PIGN: variants seen among roughly 807,000 people sequenced by gnomAD.
PIGN encodes phosphatidylinositol glycan anchor biosynthesis class N.
A neutral mutation model predicts 125.4 loss-of-function variants in PIGN; 117 were observed. The observed-to-expected ratio is 0.93, with a 90% CI of 0.80 to 1.09. The LOEUF is 1.09. Ranked by LOEUF, PIGN falls within the 50% of genes least tolerant of loss-of-function variation. The pLI, the probability that PIGN is intolerant of heterozygous loss-of-function variation, is 0.00. For synonymous variants in PIGN, 392 were observed against 377.8 expected, an observed-to-expected ratio of 1.04 and a Z score of -0.44; for missense variants, 1,075 against 1,094.9, an observed-to-expected ratio of 0.98 and a Z score of 0.26.
chr18:62,179,107 T>C (rs1356058141), intron 1 of PIGN, among the ~76,000 whole-genome samples: 1 of 152,168 alleles, frequency 6.6e-6, no homozygotes, highest in Non-Finnish European at 1.5e-5. Flanking sequence ...AAGTCTGGGG[T>C]TATGGGTTCA....
At chr18:62,030,835 C>T (rs1333623248) in intron 23 of PIGN, among the ~76,000 whole-genome samples, 1 of 152,098 alleles carries the variant, frequency 6.6e-6, no homozygotes, top group Non-Finnish European at 1.5e-5. Flanking sequence ...TGACTCTTGC[C>T]GGGTACAGTG....
At chr18:62,028,773 A>C (rs1345667890) in intron 23 of PIGN, among the ~76,000 whole-genome samples, 1 of 152,264 alleles carries the variant, frequency 6.6e-6, no homozygotes, top group African/African-American at 2.4e-5. Flanking sequence ...TATGGAGCTA[A>C]CAAGGATAAG....
intron 30 of PIGN, among the ~76,000 whole-genome samples, chr18:62,059,512 C>CA (rs984913516): frequency 6.0e-5 from 9 of 150,992 alleles, no homozygotes; most frequent in Non-Finnish European, 1.0e-4. Context: ...AGATGAATGC[C>CA]AAAAAAAAGT....
chr18:62,079,007 C>T (rs1470812222), intron 28 of PIGN, among the ~76,000 whole-genome samples: 1 of 152,148 alleles, frequency 6.6e-6, no homozygotes, highest in Non-Finnish European at 1.5e-5. Flanking sequence ...TCTGTGGCCC[C>T]TTCTTTTCTG....
At chr18:62,114,377 T>A (rs1381814229) in intron 15 of PIGN, among the ~76,000 whole-genome samples, 184 bp downstream of exon 15, 2 of 144,846 alleles carry the variant, frequency 1.4e-5, no homozygotes, top group African/African-American at 4.9e-5. Flanking sequence ...AAAAAAAAAA[T>A]TTACCCATAA....
chr18:62,157,906 G>A, intron 4 of PIGN, 98 bp from the exon 5 acceptor site: 1 of 1,185,266 alleles, frequency 8.4e-7, no homozygotes, highest in Non-Finnish European at 1.2e-6. Context: ...GGAATCAAAA[G>A]CAAAAAACTT....
chr18:62,116,388 C>G (rs1363098599), intron 14 of PIGN, among the ~76,000 whole-genome samples: 1 of 152,190 alleles, frequency 6.6e-6, no homozygotes, highest in Non-Finnish European at 1.5e-5. Context: ...ATCTCACTGT[C>G]TACTTCATCA....
intron 28 of PIGN, among the ~76,000 whole-genome samples, chr18:62,078,245 G>A (rs1347012828): frequency 6.6e-6 from 1 of 152,190 alleles, no homozygotes. Context: ...CTGGAGAGTG[G>A]AGCAGTTGGG....
intron 23 of PIGN, among the ~76,000 whole-genome samples, chr18:62,026,938 C>T (rs1179560294): frequency 2.0e-5 from 3 of 152,180 alleles, no homozygotes; most frequent in Non-Finnish European, 2.9e-5. Flanking sequence ...CGCGGTGGCT[C>T]ACGCCTGTAA....
At chr18:62,066,294 C>G (rs1290759474) in intron 30 of PIGN, among the ~76,000 whole-genome samples, 1 of 152,174 alleles carries the variant, frequency 6.6e-6, no homozygotes, top group African/African-American at 2.4e-5. Flanking sequence ...CCTTTAAGAT[C>G]AGCTCAACCA....
At chr18:62,170,049 A>G (rs2037296840) in intron 1 of PIGN, among the ~76,000 whole-genome samples, 4 of 152,240 alleles carry the variant, frequency 2.6e-5, no homozygotes, top group Admixed American at 2.0e-4. Context: ...GGCATTGTCA[A>G]TCTTTCAAAC....
At chr18:62,029,450 G>A (rs2030164906) in intron 23 of PIGN, among the ~76,000 whole-genome samples, 1 of 152,170 alleles carries the variant, frequency 6.6e-6, no homozygotes, top group Non-Finnish European at 1.5e-5. Context: ...GGGGATGGAA[G>A]GATGGTTGGG....
At chr18:62,155,521 A>G (rs993674651) in intron 6 of PIGN, among the ~76,000 whole-genome samples, 3 of 152,150 alleles carry the variant, frequency 2.0e-5, no homozygotes, top group Admixed American at 6.5e-5. Flanking sequence ...GTGAGCTGAG[A>G]TCGTGCCACT....
intron 30 of PIGN, among the ~76,000 whole-genome samples, chr18:62,050,890 A>G (rs2031222383): frequency 6.6e-6 from 1 of 150,782 alleles, no homozygotes; most frequent in African/African-American, 2.4e-5. Flanking sequence ...TACCTAATTT[A>G]TTAAGAGTTT....
At position 62,114,579 on chromosome 18, in the gene PIGN, G is replaced by A. The variant is rs1274732027; in HGVS notation, c.1233C>T (p.His411=). 2.0e-6 allele frequency: 3 copies of A among 1,516,242 alleles called. No individual in the cohort carries two copies. The highest frequency in any genetic ancestry group is 1.4e-5 in the African/African-American group (1 of 72,420). 93.9% of individuals were successfully genotyped at this position (1,516,242 alleles called of 1,614,324 possible). A position where few individuals can be genotyped will look rare whatever the true frequency, so the allele number is the denominator to read the frequency against. ...TACTTACCACTTCATCAAACTTTCTGTGTTTTATATAAGATCTTGCTTTTC... is the reference window on the plus strand; with the variant it reads ...TACTTACCACTTCATCAAACTTTCTATGTTTTATATAAGATCTTGCTTTTC... ...ILRKARSYIK[H]RKFDEVVSLC... is the part of the protein sequence containing the mutation. Residue 411 remains histidine, a synonymous_variant, in exon 15 of 31, where the codon CAC becomes CAT. Coordinates refer to ENST00000640252, the MANE Select transcript of PIGN (RefSeq NM_176787.5).
intron 30 of PIGN, chr18:62,051,888 T>G (rs2031328870): frequency 6.6e-6 from 1 of 152,066 alleles, no homozygotes; most frequent in African/African-American, 2.4e-5. Context: ...TCCCAGAGAT[T>G]CTGGTATGTT....
chr18:62,083,966 C>A (rs749079474), intron 27 of PIGN, among the ~76,000 whole-genome samples: 1 of 152,028 alleles, frequency 6.6e-6, no homozygotes, highest in Non-Finnish European at 1.5e-5. Flanking sequence ...ATGTGTCAGG[C>A]ATTATGGTAA....
At chr18:62,084,230 C>T (rs952638139) in intron 27 of PIGN, among the ~76,000 whole-genome samples, 2 of 152,110 alleles carry the variant, frequency 1.3e-5, no homozygotes, top group African/African-American at 4.8e-5. Context: ...TTCAGGGAAC[C>T]TTATACTCTT....
Position 62,113,194 on chromosome 18 carries a change from G to A in PIGN, c.1374C>T (p.Ala458=), listed in dbSNP as rs905642288. ...AATGAGACTTGATGATCAACAAAGA[G>A]GCATAAGATATCCATCCCACAAAAC... ...VIGFVGWISY[A]SLLIIKSHSN... Residue 458 remains alanine, a synonymous_variant, in exon 16 of 31, where the codon GCC becomes GCT. Coordinates refer to ENST00000640252, the MANE Select transcript of PIGN (RefSeq NM_176787.5). The A allele has an allele frequency of 6.2e-7, 1 of 1,612,676 alleles. No homozygotes were observed. Among genetic ancestry groups the A allele is most frequent in the African/African-American group, 1.3e-5 (1 of 74,988 alleles).
Sources: allele counts gnomAD v4.1 joint callset (sites outside exome capture counted in the v4.1 genomes callset), GRCh38; gene constraint gnomAD v4.1.1; transcripts MANE v1.5; gene names NCBI Gene and HGNC (gene_info 2026-07-23, HGNC 2026-07-21).